The following MAD1L1 variants were observed in gnomAD, a reference collection of about 807,000 sequenced individuals.
MAD1L1 encodes mitotic arrest deficient 1 like 1, also known as mitotic spindle assembly checkpoint protein MAD1.
A neutral mutation model predicts 96.9 loss-of-function variants in MAD1L1; 95 were observed. That is an observed-to-expected ratio of 0.98 (90% CI 0.83 to 1.16). MAD1L1 has a LOEUF of 1.16. Among genes scored for constraint, MAD1L1 ranks in the 50% most tolerant of loss-of-function variants. The probability of loss-of-function intolerance (pLI) is 0.00; values close to 1 mark genes in which losing one functional copy is unlikely to be tolerated. For missense variants in MAD1L1, 1,007 were observed against 954.4 expected (o/e 1.06, Z -0.73); for synonymous variants, 473 against 396.6 (o/e 1.19, Z -2.29).
At chr7:2,109,269 A>G (rs1181295813) in intron 11 of MAD1L1, among the ~76,000 whole-genome samples, 1 of 152,140 alleles carries the variant, frequency 6.6e-6, no homozygotes, top group Non-Finnish European at 1.5e-5. Context: ...TTCAGGCCAC[A>G]TGGATAGTCC....
chr7:1,969,060 TA>T (rs1477447512), intron 15 of MAD1L1, among the ~76,000 whole-genome samples: 1 of 152,172 alleles, frequency 6.6e-6, no homozygotes, highest in Non-Finnish European at 1.5e-5. Context: ...TTGAATCTGG[TA>T]AACAGTGTGG....
At chr7:2,128,333 G>C (rs1788337085) in intron 11 of MAD1L1, among the ~76,000 whole-genome samples, 1 of 152,140 alleles carries the variant, frequency 6.6e-6, no homozygotes, top group African/African-American at 2.4e-5. Flanking sequence ...CATGCCTAGA[G>C]TCCCCGAAAT....
chr7:2,188,352 T>G (rs1334821190), intron 10 of MAD1L1, among the ~76,000 whole-genome samples: 1 of 152,218 alleles, frequency 6.6e-6, no homozygotes, highest in Non-Finnish European at 1.5e-5. Flanking sequence ...AAAATTCATA[T>G]GGAATCTCAA....
intron 17 of MAD1L1, among the ~76,000 whole-genome samples, chr7:1,936,078 G>A (rs547531806): frequency 4.6e-5 from 7 of 152,228 alleles, no homozygotes; most frequent in Non-Finnish European, 7.3e-5. Flanking sequence ...TGGACTCCCA[G>A]CCCTGCTCCT....
chr7:2,181,065 G>A (rs1048368784), intron 10 of MAD1L1, among the ~76,000 whole-genome samples: 38 of 152,138 alleles, frequency 2.5e-4, no homozygotes, highest in African/African-American at 7.5e-4. Flanking sequence ...CAAATATGCC[G>A]GTGAGCTTAT....
intron 12 of MAD1L1, among the ~76,000 whole-genome samples, chr7:2,054,799 T>C (rs1302445480): frequency 1.3e-5 from 2 of 152,228 alleles, no homozygotes; most frequent in Non-Finnish European, 2.9e-5. Context: ...AGGGATGTGC[T>C]TTAAGTATGA....
At chr7:1,897,154 A>G (rs910669567) in intron 18 of MAD1L1, among the ~76,000 whole-genome samples, 1 of 85,530 alleles carries the variant, frequency 1.2e-5, no homozygotes, top group Non-Finnish European at 2.2e-5. Flanking sequence ...AGGAGGAGGA[A>G]GAGCCGGGCT....
At chr7:1,953,050 C>G (rs144131144) in intron 16 of MAD1L1, among the ~76,000 whole-genome samples, 7 of 152,112 alleles carry the variant, frequency 4.6e-5, no homozygotes, top group Non-Finnish European at 5.9e-5. Context: ...GCAGCTGCAG[C>G]GTTGGTGGCT....
At chr7:2,080,999 C>G (rs1785614272) in intron 11 of MAD1L1, among the ~76,000 whole-genome samples, 1 of 152,204 alleles carries the variant, frequency 6.6e-6, no homozygotes, top group Non-Finnish European at 1.5e-5. Flanking sequence ...GGTCCAGACT[C>G]TGTGCCCCCT....
intron 11 of MAD1L1, among the ~76,000 whole-genome samples, chr7:2,136,416 G>A (rs1422488095): frequency 6.6e-6 from 1 of 152,184 alleles, no homozygotes; most frequent in Non-Finnish European, 1.5e-5. Context: ...GCCAGGGCAG[G>A]GGGACACGTG....
In MAD1L1 at chr7:2,115,790, G is replaced by A. The variant is rs1294512055; in HGVS notation, c.1073+33362C>T. On this transcript the variant is annotated intron_variant, in intron 11 of 18. Transcript: ENST00000265854. ...CTGCCGCGCATGACCTGCATGGAGC[G>A]CTCGGAGCAGAGGGAACGCACTGAG... is the stretch of plus-strand genomic sequence containing the variant. Among the ~76,000 whole-genome samples, 5 of 152,268 alleles carry A rather than the reference G, an allele frequency of 3.3e-5. No individual in the cohort carries two copies. In the East Asian group the frequency reaches 5.8e-4, roughly 18 times the overall value.
At chr7:2,032,883 A>G (rs1358320658) in intron 12 of MAD1L1, among the ~76,000 whole-genome samples, 1 of 152,212 alleles carries the variant, frequency 6.6e-6, no homozygotes, top group African/African-American at 2.4e-5. Flanking sequence ...CACACCAGGA[A>G]GGAAGACCCA....
At chr7:1,892,650 C>T (rs143054521) in intron 18 of MAD1L1, among the ~76,000 whole-genome samples, 111 of 151,950 alleles carry the variant, frequency 7.3e-4, no homozygotes, top group African/African-American at 2.5e-3. Context: ...GAGGCTGGAC[C>T]TGTATACCTT....
At chr7:1,839,785 G>A (rs1234759456) in intron 18 of MAD1L1, among the ~76,000 whole-genome samples, 1 of 151,114 alleles carries the variant, frequency 6.6e-6, no homozygotes, top group East Asian at 2.0e-4. Context: ...CCATCTGGAT[G>A]GAGGATGGGG....
At chr7:2,207,818 G>T (rs183748216) in intron 10 of MAD1L1, among the ~76,000 whole-genome samples, 33 of 152,294 alleles carry the variant, frequency 2.2e-4, no homozygotes, top group African/African-American at 7.9e-4. Context: ...GAAGAAAACC[G>T]TAAAATGAAG....
intron 17 of MAD1L1, 131 bp from the exon 18 acceptor site, chr7:1,898,521 C>A (rs1035547957): frequency 2.9e-6 from 2 of 682,930 alleles, no homozygotes; most frequent in Non-Finnish European, 5.0e-6. Flanking sequence ...CAGCAAGCCC[C>A]CGTGTCACAC....
chr7:1,934,937 G>A (rs183846845), intron 17 of MAD1L1, among the ~76,000 whole-genome samples: 9 of 151,534 alleles, frequency 5.9e-5, no homozygotes, highest in African/African-American at 9.7e-5. Context: ...GGGTGAACCC[G>A]AGACGGGCAG....
rs146503379 is a variant in MAD1L1, at chr7:1,829,106, G to A, written c.1999-12878C>T. ...TAAAGGAGGCAGCACATTGGGCGTGGGCTGTGGGGCGACGTCACATGGCCT... is the reference window on the plus strand; with the variant it reads ...TAAAGGAGGCAGCACATTGGGCGTGAGCTGTGGGGCGACGTCACATGGCCT... On this transcript the variant is annotated intron_variant, in intron 18 of 18. Transcript: ENST00000265854. 9.0e-4 allele frequency among the ~76,000 whole-genome samples: 137 copies of A among 152,370 alleles called. 1 individual carries two copies. The highest frequency in any genetic ancestry group is 2.9e-3 in the African/African-American group (122 of 41,584).
chr7:2,155,161 C>T (rs1789764959), intron 10 of MAD1L1, among the ~76,000 whole-genome samples: 2 of 152,202 alleles, frequency 1.3e-5, no homozygotes, highest in Admixed American at 1.3e-4. Flanking sequence ...AAGGACGAGG[C>T]TAAGAGAGCG....
Sources: allele counts gnomAD v4.1 joint callset (sites outside exome capture counted in the v4.1 genomes callset), GRCh38; gene constraint gnomAD v4.1.1; transcripts MANE v1.5; gene names NCBI Gene and HGNC (gene_info 2026-07-23, HGNC 2026-07-21).